ARFGEF3: variants seen among roughly 807,000 people sequenced by gnomAD.
The protein encoded by ARFGEF3 is ARFGEF family member 3.
A neutral mutation model predicts 221.7 loss-of-function variants in ARFGEF3; 96 were observed. The observed-to-expected ratio is 0.43, with a 90% CI of 0.37 to 0.51. ARFGEF3 has a LOEUF of 0.51. ARFGEF3 is among the 20% of genes least tolerant of loss of function. The pLI is 0.00. For synonymous variants in ARFGEF3, 1,145 were observed against 1,126.8 expected (o/e 1.02, Z -0.32); for missense variants, 2,410 against 2,789.9 (o/e 0.86, Z 3.07).
At chr6:138,226,923 C>T (rs981911583) in intron 4 of ARFGEF3, among the ~76,000 whole-genome samples, 1 of 152,168 alleles carries the variant, frequency 6.6e-6, no homozygotes, top group African/African-American at 2.4e-5. Flanking sequence ...ACACCATCAG[C>T]CCTGTAATTA....
intron 1 of ARFGEF3, among the ~76,000 whole-genome samples, chr6:138,164,025 A>G (rs1303749788): frequency 1.3e-5 from 2 of 152,170 alleles, no homozygotes; most frequent in Non-Finnish European, 2.9e-5. Flanking sequence ...TTTAGGAAAC[A>G]TTTATTAAGA....
Position 138,296,960 on chromosome 6 carries a change from G to A in ARFGEF3, c.3648+5G>A. ...GTGGCCCCACACCTGGTGGAGGTGA[G>A]CACTGGGAAGGTGGGAAGAGGCTGG... On this transcript the variant is annotated splice_donor_5th_base_variant and intron_variant, in intron 21 of 33. Transcript: ENST00000251691. The A allele has an allele frequency of 6.2e-7, 1 of 1,609,370 alleles. No homozygotes were observed. Among genetic ancestry groups the A allele is most frequent in the Non-Finnish European group, 8.5e-7 (1 of 1,178,258 alleles).
At chr6:138,332,469 G>T (rs747642519) in intron 32 of ARFGEF3, among the ~76,000 whole-genome samples, 1 of 152,154 alleles carries the variant, frequency 6.6e-6, no homozygotes, top group Non-Finnish European at 1.5e-5. Flanking sequence ...AGACTTGTTT[G>T]ATCAGTAAAA....
In ARFGEF3 at chr6:138,320,231, TG is replaced by T. The variant is rs563712548; in HGVS notation, c.4651+359del. Among the ~76,000 whole-genome samples the T allele has an allele frequency of 2.5e-3, 383 of 152,026 alleles. 3 individuals carry two copies. The highest frequency in any genetic ancestry group is 4.1e-3 in the Non-Finnish European group (278 of 67,970). On this transcript the variant is annotated intron_variant, in intron 28 of 33. Transcript: ENST00000251691. ...GAAGCAGCAATATCCCCGTAGCCTG[TG>T]GGGGGGTAGCGGGTATAGCCTGTCA...
At position 138,286,825 on chromosome 6, in the gene ARFGEF3, A is replaced by C. The variant is rs770995541; in HGVS notation, c.2694A>C (p.Glu898Asp). 6.2e-7 allele frequency: 1 copy of C among 1,614,052 alleles called. No individual in the cohort carries two copies. Among genetic ancestry groups the C allele is most frequent in the Non-Finnish European group, 8.5e-7 (1 of 1,179,908 alleles). Residue 898 changes from glutamate (E) to aspartate (D), a missense_variant, in exon 16 of 34, where the codon GAA becomes GAC. Physicochemically the swap from Glu to Asp is conservative, Grantham distance 45. This residue lies in a region of ARFGEF3 where 594 missense variants were observed against 734.3 expected (regional missense o/e 0.81). Transcript: ENST00000251691. ...GGCTGGCCTTCATTCTGGGAGCTGA[A>C]GGCATCAAAGAGCAGAACCAGAAGG... The part of the protein sequence containing the change: ...SKGLAFILGA[E>D]GIKEQNQKER...
intron 3 of ARFGEF3, among the ~76,000 whole-genome samples, chr6:138,209,486 G>A (rs888422416): frequency 1.3e-5 from 2 of 152,174 alleles, no homozygotes; most frequent in Admixed American, 6.5e-5. Context: ...GTCTTGCTCT[G>A]TCTCCCAGGC....
At chr6:138,328,438 G>T (rs77323953) in intron 32 of ARFGEF3, among the ~76,000 whole-genome samples, 2,082 of 152,144 alleles carry the variant, frequency 0.014, 44 homozygotes, top group African/African-American at 0.048. Flanking sequence ...TTCCTCCGAG[G>T]TCTATCTCCT....
chr6:138,306,856 A>T (rs540794693), intron 22 of ARFGEF3, among the ~76,000 whole-genome samples: 1 of 152,164 alleles, frequency 6.6e-6, no homozygotes, highest in South Asian at 2.1e-4. Flanking sequence ...AGAACTTTTA[A>T]TCTTGAAAAG....
rs112898954 is a variant in ARFGEF3, at chr6:138,225,156, T to C, written c.352-4628T>C. 1.5e-3 allele frequency among the ~76,000 whole-genome samples: 235 copies of C among 152,362 alleles called. 1 individual carries two copies. The highest frequency in any genetic ancestry group is 5.5e-3 in the African/African-American group (228 of 41,590). ...TGTCTTCGACATCATCTAGATCTTA[T>C]TAAGTGCCTGTTTTCTCTCTCTGAC... On this transcript the variant is annotated intron_variant, in intron 4 of 33. Transcript: ENST00000251691.
chr6:138,242,286 T>C (rs1175775785), intron 6 of ARFGEF3, among the ~76,000 whole-genome samples: 1 of 152,254 alleles, frequency 6.6e-6, no homozygotes, highest in African/African-American at 2.4e-5. Flanking sequence ...CACTGAGTTA[T>C]CCCTGCAATG....
chr6:138,323,028 A>G (rs191255043), intron 29 of ARFGEF3, among the ~76,000 whole-genome samples: 66 of 151,652 alleles, frequency 4.4e-4, no homozygotes, highest in African/African-American at 1.5e-3. Context: ...TAGCATTGAG[A>G]TAAGAGTTTG....
chr6:138,234,357 T>C (rs117591106), intron 5 of ARFGEF3, among the ~76,000 whole-genome samples: 1 of 152,270 alleles, frequency 6.6e-6, no homozygotes, highest in African/African-American at 2.4e-5. Flanking sequence ...CCTGGCACTT[T>C]TAGAATTTAT....
intron 5 of ARFGEF3, among the ~76,000 whole-genome samples, chr6:138,237,583 G>T (rs12055474): frequency 0.1 from 15,368 of 152,208 alleles, 1,093 homozygotes; most frequent in East Asian, 0.37. Context: ...AACTAGACAT[G>T]GAGACTGGTA....
At position 138,263,383 on chromosome 6, in the gene ARFGEF3, A is replaced by T; in HGVS notation, c.1900A>T (p.Asn634Tyr). The change falls in exon 12 of 34, where the codon AAC (asparagine) becomes TAC (tyrosine). Residue 634 changes from asparagine (N) to tyrosine (Y), a missense_variant. Physicochemically the swap from Asn to Tyr is moderately radical, Grantham distance 143. Coordinates refer to ENST00000251691, the MANE Select transcript of ARFGEF3 (RefSeq NM_020340.5). Reference sequence around the variant, plus strand: ...CGACGTGTCAGACATTGGGTCGGACAACTGTTCACTAGCCGATGAAGAGCA... The same window carrying T: ...CGACGTGTCAGACATTGGGTCGGACTACTGTTCACTAGCCGATGAAGAGCA... ...RSDVSDIGSD[N>Y]CSLADEEQTP... The T allele has an allele frequency of 3.1e-6, 5 of 1,614,036 alleles. No homozygotes were observed. The highest frequency in any genetic ancestry group is 4.2e-6 in the Non-Finnish European group (5 of 1,179,896).
rs187792368 is a variant in ARFGEF3, at chr6:138,176,432, C to T, written c.137+5719C>T. ...GCCTGACCTCGTGATCCACCCGCCT[C>T]GGCCTCCCAAAGTGCTGGGATTACA... On this transcript the variant is annotated intron_variant, in intron 2 of 33. Coordinates refer to ENST00000251691, the MANE Select transcript of ARFGEF3 (RefSeq NM_020340.5). Among the ~76,000 whole-genome samples the T allele has an allele frequency of 7.0e-4, 106 of 152,292 alleles. 1 individual carries two copies. Among genetic ancestry groups the T allele is most frequent in the Middle Eastern group, 3.4e-3 (1 of 294 alleles).
intron 16 of ARFGEF3, 29 bp downstream of exon 16, chr6:138,286,945 G>A (rs758771478): frequency 1.9e-5 from 30 of 1,608,352 alleles, no homozygotes; most frequent in East Asian, 4.5e-5. Context: ...TTCCCTGGCC[G>A]TGGTCCTGCA....
intron 5 of ARFGEF3, among the ~76,000 whole-genome samples, chr6:138,230,990 A>G (rs1241567507): frequency 6.6e-6 from 1 of 152,276 alleles, no homozygotes; most frequent in Non-Finnish European, 1.5e-5. Flanking sequence ...GCCCTTTGCC[A>G]TGTGAAGGAA....
At chr6:138,311,663 C>T (rs1779834883) in intron 25 of ARFGEF3, among the ~76,000 whole-genome samples, 153 bp downstream of exon 25, 1 of 151,394 alleles carries the variant, frequency 6.6e-6, no homozygotes, top group African/African-American at 2.5e-5. Flanking sequence ...CATTTTTGTC[C>T]CTCCTTTTTC....
intron 4 of ARFGEF3, among the ~76,000 whole-genome samples, chr6:138,219,793 CGT>C (rs141714713): frequency 7.4e-5 from 11 of 149,006 alleles, no homozygotes; most frequent in East Asian, 5.9e-4. Context: ...CATAGATGTG[CGT>C]GTGTGTGTGT....
Sources: gnomAD v4.1 joint callset for allele counts (sites outside exome capture counted in the v4.1 genomes callset) on GRCh38, gnomAD v4.1.1 for gene constraint, gnomAD v4.1.1 regional missense constraint, MANE v1.5 for transcripts, NCBI Gene and HGNC (gene_info 2026-07-23, HGNC 2026-07-21) for gene names.